RBL2: variants seen among roughly 807,000 people sequenced by gnomAD.
RBL2 encodes the protein retinoblastoma-like protein 2.
Under a neutral mutation model 126.0 loss-of-function variants are expected in RBL2, and 56 were observed. The observed-to-expected ratio is 0.44, with a 90% CI of 0.36 to 0.56. The LOEUF is 0.56. Ranked by LOEUF, RBL2 falls within the 20% of genes least tolerant of loss-of-function variation. RBL2 has a pLI of 0.00. For missense variants in RBL2, 1,229 were observed against 1,398.2 expected (o/e 0.88, Z 1.93); for synonymous variants, 454 against 478.5 (o/e 0.95, Z 0.67).
intron 2 of RBL2, among the ~76,000 whole-genome samples, chr16:53,439,919 A>C (rs2057997283): frequency 6.9e-6 from 1 of 144,726 alleles, no homozygotes. Flanking sequence ...GCAGCACTGC[A>C]CTCCAGCCTG....
At chr16:53,435,516 A>G (rs1319614574) in intron 1 of RBL2, 2 of 1,142,960 alleles carry the variant, frequency 1.7e-6, no homozygotes, top group East Asian at 5.9e-5. Context: ...GCCTTCGGAC[A>G]GGGCTTGCAG....
At position 53,439,107 on chromosome 16, in the gene RBL2, A is replaced by G. The variant is rs776782147; in HGVS notation, c.332A>G (p.Tyr111Cys). The G allele has an allele frequency of 1.4e-5, 22 of 1,607,782 alleles. No homozygotes were observed. Among genetic ancestry groups the G allele is most frequent in the Admixed American group, 8.5e-5 (5 of 59,014 alleles). Residue 111 changes from tyrosine to cysteine, a missense_variant, in exon 2 of 22, where the codon TAT becomes TGT. By Grantham distance (194) the Tyr-to-Cys change is radical (BLOSUM62 -2). This residue lies in a region of RBL2 where 1,070 missense variants were observed against 1,274.3 expected (regional missense o/e 0.84). Coordinates refer to ENST00000262133, the MANE Select transcript of RBL2 (RefSeq NM_005611.4). ...TVSKGTVEGN[Y>C]VSLTRILKCS... is the part of the protein sequence containing the mutation. ...AGCAAAGGGACAGTGGAAGGAAACT[A>G]TGTATCTTTAACTAGAATCCTGAAA...
In RBL2 at chr16:53,467,289, G is replaced by A. The variant is rs113806082; in HGVS notation, c.1975+120G>A. ...AGAAGAAAATATTCTATGCATTTTT[G>A]TACCACATGGATCACTTAAAAGAAG... is the stretch of plus-strand genomic sequence containing the variant. On this transcript the variant is annotated intron_variant, in intron 14 of 21. Transcript: ENST00000262133. The A allele has an allele frequency of 7.8e-4, 591 of 755,712 alleles. 4 individuals are homozygous for A. The African/African-American group carries it at 9.6e-3, about 12-fold the overall frequency. 46.8% of individuals were successfully genotyped at this position (755,712 alleles called of 1,614,324 possible).
Position 53,480,773 on chromosome 16 carries a change from A to G in RBL2, c.3084+4A>G. The G allele has an allele frequency of 6.2e-7, 1 of 1,608,086 alleles. No individual in the cohort carries two copies. Among genetic ancestry groups the G allele is most frequent in the South Asian group, 1.1e-5 (1 of 90,898 alleles). On this transcript the variant is annotated splice_donor_region_variant and intron_variant, in intron 20 of 21. Coordinates refer to ENST00000262133, the MANE Select transcript of RBL2 (RefSeq NM_005611.4). Reference sequence around the variant, plus strand: ...CATGAAGTACTCACAGGCAAATGTAAGTATGACAGGGATTATTTCATACTT... The same window carrying G: ...CATGAAGTACTCACAGGCAAATGTAGGTATGACAGGGATTATTTCATACTT...
intron 19 of RBL2, 167 bp downstream of exon 19, chr16:53,480,158 G>T: frequency 1.7e-6 from 1 of 574,704 alleles, no homozygotes; most frequent in Non-Finnish European, 3.1e-6. Flanking sequence ...CCATTACATA[G>T]CTTTGGGGCA....
rs1961420146 is a variant in RBL2 at position 53,491,153 on chromosome 16, A to G, written c.*853A>G. On this transcript the variant is annotated 3_prime_UTR_variant, in exon 22 of 22. Coordinates refer to ENST00000262133, the MANE Select transcript of RBL2 (RefSeq NM_005611.4). ...CCAGTTTTTTGTTATATAGGGATCA[A>G]CCAGCTAAGAAAAGATTTTAATCAA... is the stretch of plus-strand genomic sequence containing the variant. 1 of 152,442 alleles carries G rather than the reference A, an allele frequency of 6.6e-6. No individual in the cohort carries two copies. Among genetic ancestry groups the G allele is most frequent in the Admixed American group, 6.5e-5 (1 of 15,274 alleles). 9.4% of individuals were successfully genotyped at this position (152,442 alleles called of 1,614,324 possible).
At position 53,479,107 on chromosome 16, in the gene RBL2, A is replaced by G. The variant is rs772809908; in HGVS notation, c.2704-47A>G. 4.1e-6 allele frequency: 6 copies of G among 1,448,880 alleles called. No homozygotes were observed. In the African/African-American group the frequency reaches 5.6e-5, roughly 14 times the overall value. 89.8% of individuals were successfully genotyped at this position (1,448,880 alleles called of 1,614,324 possible). On this transcript the variant is annotated intron_variant, in intron 17 of 21. Transcript: ENST00000262133. ...GGTTCACAGAGCTCCTCACACTATT[A>G]TGGTGGTAGTTGCCATGTCTCTCAG...
intron 9 of RBL2, among the ~76,000 whole-genome samples, chr16:53,460,254 A>C (rs2058207609): frequency 6.6e-6 from 1 of 152,206 alleles, no homozygotes; most frequent in South Asian, 2.1e-4. Flanking sequence ...GGTCCCTCTC[A>C]GTCCTAAAAC....
At chr16:53,436,858 A>G (rs1488472677) in intron 1 of RBL2, among the ~76,000 whole-genome samples, 3 of 152,160 alleles carry the variant, frequency 2.0e-5, no homozygotes, top group Non-Finnish European at 2.9e-5. Context: ...TTTTGAGGAT[A>G]ACTTTTTTAG....
Position 53,479,885 on chromosome 16 carries a change from G to A in RBL2, c.2776-1G>A. ...GTCCCCTTCTCATTGTTTCTCTAAAGGTGTATAGAAGTGTTTTGATAAAAG... is the reference window on the plus strand; with the variant it reads ...GTCCCCTTCTCATTGTTTCTCTAAAAGTGTATAGAAGTGTTTTGATAAAAG... On this transcript the variant is annotated splice_acceptor_variant, in intron 18 of 21. Transcript: ENST00000262133. LOFTEE classifies it high-confidence loss of function. 6.3e-7 allele frequency: 1 copy of A among 1,577,744 alleles called. No homozygotes were observed.
Position 53,490,487 on chromosome 16 carries a change from C to A in RBL2, c.*187C>A. 4.6e-6 allele frequency: 2 copies of A among 433,826 alleles called. No homozygotes were observed. The highest frequency in any genetic ancestry group is 7.9e-6 in the Non-Finnish European group (2 of 253,904). 26.9% of individuals were successfully genotyped at this position (433,826 alleles called of 1,614,324 possible). ...GTCCTTAGAACATTTTAATTCATCC[C>A]AACTGTCTTTTTTTCCCTACCATTC... On this transcript the variant is annotated 3_prime_UTR_variant, in exon 22 of 22. Transcript: ENST00000262133.
intron 20 of RBL2, chr16:53,481,055 G>T (rs1296013913): frequency 4.2e-6 from 1 of 239,392 alleles, no homozygotes; most frequent in Non-Finnish European, 8.2e-6. Context: ...GCTACTCTGG[G>T]GGCTGAGGCA....
chr16:53,461,902 G>A lies in RBL2; in HGVS notation c.1456+52G>A, dbSNP rs768286615. 3 of 1,451,628 alleles carry A rather than the reference G, an allele frequency of 2.1e-6. No homozygotes were observed. In the South Asian group the frequency reaches 3.4e-5, roughly 17 times the overall value. The allele number at this position is 1,451,628 out of a possible 1,614,324, so 89.9% of individuals were successfully genotyped here. A position where few individuals can be genotyped will look rare whatever the true frequency, so the allele number is the denominator to read the frequency against. ...TTTATGTTTGAAGTTTAACTAAATG[G>A]AGTCATTTCTTACTAACTAAGAAAG... On this transcript the variant is annotated intron_variant, in intron 10 of 21. Transcript: ENST00000262133.
intron 2 of RBL2, among the ~76,000 whole-genome samples, chr16:53,442,358 C>A (rs1176354899): frequency 6.6e-6 from 1 of 152,106 alleles, no homozygotes; most frequent in Non-Finnish European, 1.5e-5. Flanking sequence ...TTTAAAAAAT[C>A]TGGCAGTGAA....
intron 4 of RBL2, among the ~76,000 whole-genome samples, 178 bp from the exon 5 acceptor site, chr16:53,451,525 G>T (rs986294060): frequency 5.3e-5 from 8 of 151,876 alleles, no homozygotes; most frequent in Admixed American, 1.3e-4. Context: ...AATAAATAAA[G>T]AAATTTATTA....
At chr16:53,487,423 A>C (rs1416332020) in intron 21 of RBL2, among the ~76,000 whole-genome samples, 1 of 152,242 alleles carries the variant, frequency 6.6e-6, no homozygotes, top group Non-Finnish European at 1.5e-5. Context: ...CAAAGGTGCA[A>C]AGGCAATTTG....
intron 8 of RBL2, among the ~76,000 whole-genome samples, chr16:53,455,096 T>C (rs1389364931): frequency 1.3e-5 from 2 of 152,216 alleles, no homozygotes; most frequent in African/African-American, 2.4e-5. Context: ...CTGATAATTG[T>C]TGGTTTTAAA....
intron 21 of RBL2, chr16:53,487,652 A>ATTTT (rs944296228): frequency 1.8e-4 from 27 of 152,366 alleles, no homozygotes; most frequent in African/African-American, 6.3e-4. Context: ...CAACATCAAA[A>ATTTT]GCACAATCCG....
In RBL2 at chr16:53,462,330, T is replaced by G. The variant is rs139402025; in HGVS notation, c.1457-222T>G. On this transcript the variant is annotated intron_variant, in intron 10 of 21. Coordinates refer to ENST00000262133, the MANE Select transcript of RBL2 (RefSeq NM_005611.4). ...TAGTCTTAAATGATATTACAGTTCC[T>G]TATGTGCAAATTTCATTTAATAATT... Among the ~76,000 whole-genome samples, 1,036 of 152,322 alleles carry G rather than the reference T, an allele frequency of 6.8e-3. 9 individuals carry two copies. Among genetic ancestry groups the G allele is most frequent in the Non-Finnish European group, 0.01 (694 of 68,030 alleles).
Sources: allele counts gnomAD v4.1 joint callset (sites outside exome capture counted in the v4.1 genomes callset), GRCh38; gene constraint gnomAD v4.1.1; regional missense constraint gnomAD v4.1.1; transcripts MANE v1.5; gene names NCBI Gene and HGNC (gene_info 2026-07-23, HGNC 2026-07-21).